SMIM29: variants seen among roughly 807,000 people sequenced by gnomAD.
The protein encoded by SMIM29 is small integral membrane protein 29, also known as uncharacterized protein C6orf1.
In SMIM29, 4 loss-of-function variants were observed where a neutral mutation model predicts 12.9. That is an observed-to-expected ratio of 0.31 (90% CI 0.15 to 0.71). The LOEUF is 0.71. Ranked by LOEUF, SMIM29 falls within the 30% of genes least tolerant of loss-of-function variation. SMIM29 has a pLI of 0.70. For missense variants in SMIM29, 122 were observed against 138.1 expected, an observed-to-expected ratio of 0.88 and a Z score of 0.58; for synonymous variants, 50 against 52.0, an observed-to-expected ratio of 0.96 and a Z score of 0.17.
At position 34,246,580 on chromosome 6, in the gene SMIM29, C is replaced by T. The variant is rs1762772409; in HGVS notation, c.*223G>A. 1.2e-6 allele frequency: 2 copies of T among 1,607,320 alleles called. No homozygotes were observed. Among genetic ancestry groups the T allele is most frequent in the African/African-American group, 1.3e-5 (1 of 74,834 alleles). On this transcript the variant is annotated 3_prime_UTR_variant, in exon 5 of 5. Coordinates refer to ENST00000476320, the MANE Select transcript of SMIM29 (RefSeq NM_001008703.4). Reference sequence around the variant, plus strand: ...AAGGAAAGCCTCTTCCCATGAGTGCCTGTGGGTGGGCGGTGAGCTCAACAC... The same window carrying T: ...AAGGAAAGCCTCTTCCCATGAGTGCTTGTGGGTGGGCGGTGAGCTCAACAC...
intron 2 of SMIM29, 43 bp from the exon 3 acceptor site, chr6:34,247,535 A>G: frequency 6.4e-7 from 1 of 1,555,898 alleles, no homozygotes; most frequent in Non-Finnish European, 8.7e-7. Context: ...TGAGCCCAGG[A>G]AGGCCCACAG....
chr6:34,247,127 G>A lies in SMIM29; in HGVS notation c.160C>T (p.Leu54=), dbSNP rs1762824018. 6.2e-7 allele frequency: 1 copy of A among 1,614,000 alleles called. No homozygotes were observed. Among genetic ancestry groups the A allele is most frequent in the Non-Finnish European group, 8.5e-7 (1 of 1,180,026 alleles). ...GGGTCATAGCTGTACATGGGGAGCA[G>A]GTGATGGCGCAGCCGGTCCACCCTG... The part of the protein sequence containing the change: ...KKRVDRLRHH[L]LPMYSYDPAE... Residue 54 remains leucine, a synonymous_variant, in exon 4 of 5, where the codon CTG becomes TTG. Transcript: ENST00000476320.
At chr6:34,248,271 G>A in intron 1 of SMIM29, 1 of 985,474 alleles carries the variant, frequency 1.0e-6, no homozygotes, top group Non-Finnish European at 1.2e-6. Flanking sequence ...GGAAGGACCT[G>A]CACTGCAGCC....
At position 34,248,790 on chromosome 6, in the gene SMIM29, C is replaced by T. The variant is rs553300701; in HGVS notation, c.-74+189G>A. The T allele has an allele frequency of 1.3e-5, 13 of 985,806 alleles. No individual in the cohort carries two copies. The African/African-American group carries it at 2.1e-4, about 16-fold the overall frequency. 61.1% of individuals were successfully genotyped at this position (985,806 alleles called of 1,614,324 possible). The stretch of plus-strand genomic sequence containing the variant: ...CCAGGGTGGGGAGGGCGTCAGGCCG[C>T]TGCTAGGATGCGGGCCAGCAACAGC... On this transcript the variant is annotated intron_variant, in intron 1 of 4. Coordinates refer to ENST00000476320, the MANE Select transcript of SMIM29 (RefSeq NM_001008703.4).
At chr6:34,247,426 C>T (rs761707301) in intron 3 of SMIM29, 41 bp downstream of exon 3, 11 of 792,282 alleles carry the variant, frequency 1.4e-5, no homozygotes, top group African/African-American at 3.4e-5. Flanking sequence ...AATTTCAGAA[C>T]GGGTGTGGGG....
Position 34,246,643 on chromosome 6 carries a change from G to A in SMIM29, c.*160C>T, listed in dbSNP as rs1163881119. 1.2e-6 allele frequency: 2 copies of A among 1,614,032 alleles called. No homozygotes were observed. The highest frequency in any genetic ancestry group is 1.1e-5 in the South Asian group (1 of 91,088). ...GAAGGCCTGGGGGCAGTGAGGTGAT[G>A]GTGAGGGCATGGGAAGCAGATGCTG... On this transcript the variant is annotated 3_prime_UTR_variant, in exon 5 of 5. Coordinates refer to ENST00000476320, the MANE Select transcript of SMIM29 (RefSeq NM_001008703.4).
intron 3 of SMIM29, 125 bp from the exon 4 acceptor site, chr6:34,247,274 T>C: frequency 6.4e-7 from 1 of 1,566,134 alleles, no homozygotes; most frequent in Non-Finnish European, 8.6e-7. Context: ...GGACACACTA[T>C]ACCTCCAAGA....
intron 4 of SMIM29, 63 bp from the exon 5 acceptor site, chr6:34,246,931 G>C: frequency 6.3e-7 from 1 of 1,599,958 alleles, no homozygotes; most frequent in South Asian, 1.1e-5. Flanking sequence ...GCAGCACCCA[G>C]TTACAGCCCA....
chr6:34,248,175 G>A, intron 1 of SMIM29: 1 of 985,470 alleles, frequency 1.0e-6, no homozygotes, highest in African/African-American at 1.7e-5. Context: ...ATTAAGTGCA[G>A]GTTTCAGGTG....
rs1190151725 is a variant in SMIM29 at position 34,247,158 on chromosome 6, C to T, written c.138-9G>A. The T allele has an allele frequency of 2.5e-6, 4 of 1,614,004 alleles. No individual in the cohort carries two copies. In the East Asian group the frequency reaches 6.7e-5, roughly 27 times the overall value. On this transcript the variant is annotated splice_polypyrimidine_tract_variant and intron_variant, in intron 3 of 4. Transcript: ENST00000476320. The stretch of plus-strand genomic sequence containing the variant: ...GGCGCAGCCGGTCCACCCTGGGGAG[C>T]AGGGGAGGGGACTCAGCTAGGAGGT...
intron 1 of SMIM29, chr6:34,248,493 TCTTGTCTCCACC>T: frequency 1.0e-6 from 1 of 984,072 alleles, no homozygotes; most frequent in South Asian, 4.7e-5. Context: ...GTCACCTTCC[TCTTGTCTCCACC>T]CGGGGCTCCG....
chr6:34,246,449 C>T lies in SMIM29; in HGVS notation c.*354G>A. On this transcript the variant is annotated 3_prime_UTR_variant, in exon 5 of 5. Transcript: ENST00000476320. ...TATACTGAATACTATACATCTGGCC[C>T]CATCACCATGGAAACAACTCCAAAG... 1 of 1,491,760 alleles carries T rather than the reference C, an allele frequency of 6.7e-7. No homozygotes were observed. Among genetic ancestry groups the T allele is most frequent in the Admixed American group, 2.3e-5 (1 of 43,662 alleles). The allele number at this position is 1,491,760 out of a possible 1,614,324, so 92.4% of individuals were successfully genotyped here.
At position 34,246,840 on chromosome 6, in the gene SMIM29, T is replaced by G. The variant is rs760425041; in HGVS notation, c.272A>C (p.Gln91Pro). ...KVVHGWQSGY[Q>P]HKRMPLLDVK... is the part of the protein sequence containing the mutation. Reference sequence around the variant, plus strand: ...ATCCAGCAGTGGCATCCGCTTGTGCTGGTAGCCACTCTGCCAGCCATGTAC... The same window carrying G: ...ATCCAGCAGTGGCATCCGCTTGTGCGGGTAGCCACTCTGCCAGCCATGTAC... The change falls in exon 5 of 5, where the codon CAG (glutamine) becomes CCG (proline). Residue 91 changes from glutamine (Q) to proline (P), a missense_variant. Gln to Pro is a moderately conservative substitution (Grantham distance 76, BLOSUM62 -1). Coordinates refer to ENST00000476320, the MANE Select transcript of SMIM29 (RefSeq NM_001008703.4). 6.2e-7 allele frequency: 1 copy of G among 1,610,496 alleles called. No homozygotes were observed. Among genetic ancestry groups the G allele is most frequent in the African/African-American group, 1.3e-5 (1 of 74,868 alleles).
Position 34,247,747 on chromosome 6 carries a change from G to A in SMIM29, c.45C>T (p.Asp15=). The part of the protein sequence containing the change: ...TVPNAPQANS[D]SMVGYVLGPF... ...GCCCCAACACATAGCCCACCATGGA[G>A]TCGCTGTTGGCCTGGGGGGCATTGG... Residue 15 remains aspartate, a synonymous_variant, in exon 2 of 5, where the codon GAC becomes GAT. Coordinates refer to ENST00000476320, the MANE Select transcript of SMIM29 (RefSeq NM_001008703.4). The A allele has an allele frequency of 7.3e-7, 1 of 1,360,838 alleles. No individual in the cohort carries two copies. 84.3% of individuals were successfully genotyped at this position (1,360,838 alleles called of 1,614,324 possible).
intron 1 of SMIM29, chr6:34,248,507 G>A: frequency 1.0e-6 from 1 of 983,612 alleles, no homozygotes; most frequent in Non-Finnish European, 1.2e-6. Context: ...GTCTCCACCC[G>A]GGGCTCCGCC....
chr6:34,247,408 T>C (rs1762841671), intron 3 of SMIM29, 59 bp downstream of exon 3: 21 of 1,533,886 alleles, frequency 1.4e-5, no homozygotes, highest in Admixed American at 2.0e-5. Context: ...TCAGAGCCTA[T>C]GAGCAGGAAT....
At chr6:34,247,973 G>A (rs1762872131) in intron 1 of SMIM29, 109 bp from the exon 2 acceptor site, 1 of 1,231,826 alleles carries the variant, frequency 8.1e-7, no homozygotes, top group Non-Finnish European at 1.0e-6. Flanking sequence ...TCAAATCCTG[G>A]GAGGAGGGAT....
In SMIM29 at chr6:34,247,169, A is replaced by C; in HGVS notation, c.138-20T>G. The C allele has an allele frequency of 2.5e-6, 4 of 1,613,606 alleles. No individual in the cohort carries two copies. The South Asian group carries it at 4.4e-5, about 18-fold the overall frequency. ...TCCACCCTGGGGAGCAGGGGAGGGG[A>C]CTCAGCTAGGAGGTCCCCCCAACCC... On this transcript the variant is annotated intron_variant, in intron 3 of 4. Transcript: ENST00000476320.
At position 34,247,850 on chromosome 6, in the gene SMIM29, CCTCCA is replaced by C; in HGVS notation, c.-64_-60del. On this transcript the variant is annotated 5_prime_UTR_variant, in exon 2 of 5. Coordinates refer to ENST00000476320, the MANE Select transcript of SMIM29 (RefSeq NM_001008703.4). ...TGGGCAGTGGCGCTTCGGGAGGGCGCCTCCACTGGGCTCCCTGGGAAGGAGGAAGG... is the reference window on the plus strand; with the variant it reads ...TGGGCAGTGGCGCTTCGGGAGGGCGCCTGGGCTCCCTGGGAAGGAGGAAGG... 2 of 1,260,594 alleles carry C rather than the reference CCTCCA, an allele frequency of 1.6e-6. No individual in the cohort carries two copies. The allele number at this position is 1,260,594 out of a possible 1,614,324, so 78.1% of individuals were successfully genotyped here. A position where few individuals can be genotyped will look rare whatever the true frequency, so the allele number is the denominator to read the frequency against.
Sources: gnomAD v4.1 joint callset for allele counts on GRCh38, gnomAD v4.1.1 for gene constraint, MANE v1.5 for transcripts, NCBI Gene and HGNC (gene_info 2026-07-23, HGNC 2026-07-21) for gene names.